Variants in SLC9A9 observed in about 807,000 individuals in gnomAD.
The protein encoded by SLC9A9 is solute carrier family 9 member A9, also known as sodium/hydrogen exchanger 9.
SLC9A9 carries 62 observed loss-of-function variants against 77.8 expected under a neutral mutation model. That is an observed-to-expected ratio of 0.80 (90% CI 0.65 to 0.98). The LOEUF (loss-of-function observed/expected upper bound fraction) is 0.98, where lower values mean the gene tolerates loss of function less well. Ranked by LOEUF, SLC9A9 falls within the 50% of genes least tolerant of loss-of-function variation. The pLI, the probability that SLC9A9 is intolerant of heterozygous loss-of-function variation, is 0.00. For missense variants in SLC9A9, 775 were observed against 774.9 expected, an observed-to-expected ratio of 1.00 and a Z score of 0.00; for synonymous variants, 320 against 283.5, an observed-to-expected ratio of 1.13 and a Z score of -1.29.
chr3:143,770,995 T>A (rs548279105), intron 4 of SLC9A9, among the ~76,000 whole-genome samples: 1 of 152,064 alleles, frequency 6.6e-6, no homozygotes, highest in South Asian at 2.1e-4. Flanking sequence ...TGCACATTCA[T>A]GTATCCTGGA....
chr3:143,726,958 GGA>G (rs1334970362), intron 4 of SLC9A9, among the ~76,000 whole-genome samples: 1 of 152,010 alleles, frequency 6.6e-6, no homozygotes, highest in Non-Finnish European at 1.5e-5. Flanking sequence ...AATAATCACT[GGA>G]GGATTGAGAT....
intron 14 of SLC9A9, among the ~76,000 whole-genome samples, chr3:143,333,882 G>A (rs1224172618): frequency 6.7e-6 from 1 of 149,668 alleles, no homozygotes; most frequent in Non-Finnish European, 1.5e-5. Flanking sequence ...GTTGTTTTTT[G>A]TGGAGCCCCA....
chr3:143,405,293 C>T (rs567837239), intron 12 of SLC9A9, among the ~76,000 whole-genome samples: 1 of 152,316 alleles, frequency 6.6e-6, no homozygotes, highest in East Asian at 1.9e-4. Context: ...CTGCTCCATT[C>T]CAAGTCAACT....
intron 4 of SLC9A9, among the ~76,000 whole-genome samples, chr3:143,745,239 A>G (rs1387587775): frequency 6.6e-6 from 1 of 152,218 alleles, no homozygotes; most frequent in Non-Finnish European, 1.5e-5. Context: ...CTGATCACTG[A>G]GTATTTTTTA....
chr3:143,587,205 C>T (rs965951223), intron 6 of SLC9A9, among the ~76,000 whole-genome samples: 18 of 152,198 alleles, frequency 1.2e-4, no homozygotes, highest in Admixed American at 5.9e-4. Context: ...TATTGAACAT[C>T]TACTAAGTAC....
At chr3:143,721,275 C>T (rs1474000097) in intron 4 of SLC9A9, among the ~76,000 whole-genome samples, 2 of 152,288 alleles carry the variant, frequency 1.3e-5, no homozygotes, top group Non-Finnish European at 2.9e-5. Context: ...TTTAAAATCC[C>T]CCTGACATCT....
chr3:143,543,388 T>C (rs1450775852), intron 9 of SLC9A9, among the ~76,000 whole-genome samples: 1 of 152,124 alleles, frequency 6.6e-6, no homozygotes, highest in African/African-American at 2.4e-5. Context: ...GCTTTTTTTT[T>C]TTTTCTTCTA....
At chr3:143,350,038 G>A (rs2032405843) in intron 14 of SLC9A9, among the ~76,000 whole-genome samples, 1 of 152,158 alleles carries the variant, frequency 6.6e-6, no homozygotes, top group Non-Finnish European at 1.5e-5. Context: ...CCTGGAGACA[G>A]GGAACCAACC....
chr3:143,617,303 A>G (rs1272937450), intron 6 of SLC9A9, among the ~76,000 whole-genome samples: 1 of 152,242 alleles, frequency 6.6e-6, no homozygotes. Flanking sequence ...TTATTGACCT[A>G]GTGCATATGG....
intron 5 of SLC9A9, 67 bp from the exon 6 acceptor site, chr3:143,652,427 T>C (rs189994338): frequency 6.0e-6 from 7 of 1,165,756 alleles, no homozygotes; most frequent in Middle Eastern, 1.9e-4. Context: ...TTGGCTATGG[T>C]CACCACTCAA....
At position 143,818,899 on chromosome 3, in the gene SLC9A9, T is replaced by C. The variant is rs552382338; in HGVS notation, c.378+13120A>G. Among the ~76,000 whole-genome samples the C allele has an allele frequency of 3.9e-5, 6 of 152,028 alleles. No individual in the cohort carries two copies. The South Asian group carries it at 6.2e-4, about 16-fold the overall frequency. On this transcript the variant is annotated intron_variant, in intron 2 of 15. Coordinates refer to ENST00000316549, the MANE Select transcript of SLC9A9 (RefSeq NM_173653.4). The stretch of plus-strand genomic sequence containing the variant: ...GAGTTCAAGACCAGCCTGACCAACA[T>C]AGAGAAACTCTGTCTCTACTAAAAA...
chr3:143,624,670 G>A (rs1270559605), intron 6 of SLC9A9, among the ~76,000 whole-genome samples: 1 of 152,114 alleles, frequency 6.6e-6, no homozygotes, highest in Non-Finnish European at 1.5e-5. Context: ...TACTGAATCG[G>A]CAAAAACTGG....
At chr3:143,405,750 G>T (rs2033964152) in intron 12 of SLC9A9, among the ~76,000 whole-genome samples, 1 of 152,188 alleles carries the variant, frequency 6.6e-6, no homozygotes, top group Non-Finnish European at 1.5e-5. Context: ...AGGAGCTCCT[G>T]TATTCTTGGT....
chr3:143,487,936 T>A (rs999307371), intron 11 of SLC9A9, among the ~76,000 whole-genome samples: 5 of 151,514 alleles, frequency 3.3e-5, no homozygotes, highest in African/African-American at 1.2e-4. Flanking sequence ...ATAGAAAAAA[T>A]AAATGAAACA....
chr3:143,817,919 A>G (rs1396027403), intron 2 of SLC9A9, among the ~76,000 whole-genome samples: 1 of 152,364 alleles, frequency 6.6e-6, no homozygotes, highest in South Asian at 2.1e-4. Flanking sequence ...AATCAAGCAC[A>G]TTTCTATCCA....
intron 6 of SLC9A9, among the ~76,000 whole-genome samples, chr3:143,618,781 C>G (rs2038150247): frequency 6.6e-6 from 1 of 152,178 alleles, no homozygotes; most frequent in African/African-American, 2.4e-5. Flanking sequence ...CCACTTTCAT[C>G]TGTGAACACA....
intron 12 of SLC9A9, among the ~76,000 whole-genome samples, chr3:143,445,406 T>C (rs544054963): frequency 5.4e-4 from 83 of 152,306 alleles, no homozygotes; most frequent in Non-Finnish European, 8.1e-4. Context: ...CTTTGACCAA[T>C]GGAATGTGAG....
At chr3:143,694,963 T>C (rs1340267653) in intron 4 of SLC9A9, among the ~76,000 whole-genome samples, 1 of 152,072 alleles carries the variant, frequency 6.6e-6, no homozygotes, top group Non-Finnish European at 1.5e-5. Flanking sequence ...AAGGGGAGGC[T>C]GAATCTTAAC....
At chr3:143,371,856 C>T (rs11715693) in intron 13 of SLC9A9, 118,860 of 193,326 alleles carry the variant, frequency 0.61, 37,030 homozygotes, top group African/African-American at 0.65. Context: ...TTTGATAAAG[C>T]AATTCAGTAA....
Sources: allele counts gnomAD v4.1 joint callset (sites outside exome capture counted in the v4.1 genomes callset), GRCh38; gene constraint gnomAD v4.1.1; transcripts MANE v1.5; gene names NCBI Gene and HGNC (gene_info 2026-07-23, HGNC 2026-07-21).